MDGA2: variants seen among roughly 807,000 people sequenced by gnomAD.
MDGA2 encodes the protein MAM domain containing glycosylphosphatidylinositol anchor 2, also known as MAM domain-containing glycosylphosphatidylinositol anchor protein 2.
A neutral mutation model predicts 117.8 loss-of-function variants in MDGA2; 40 were observed. The observed-to-expected ratio is 0.34, with a 90% confidence interval of 0.26 to 0.44. The LOEUF is 0.44. Among genes scored for constraint, MDGA2 ranks in the 20% least tolerant of loss-of-function variants. MDGA2 has a pLI of 1.00. For synonymous variants in MDGA2, 452 were observed against 439.0 expected, an observed-to-expected ratio of 1.03 and a Z score of -0.37; for missense variants, 1,123 against 1,250.6, an observed-to-expected ratio of 0.90 and a Z score of 1.54.
intron 1 of MDGA2, among the ~76,000 whole-genome samples, chr14:47,587,013 AGCT>A (rs1390597153): frequency 6.6e-6 from 1 of 151,912 alleles, no homozygotes; most frequent in Non-Finnish European, 1.5e-5. Context: ...TTGGTCACGC[AGCT>A]GAATTTATGC....
intron 1 of MDGA2, among the ~76,000 whole-genome samples, chr14:47,319,907 T>C (rs900970737): frequency 6.6e-6 from 1 of 152,172 alleles, no homozygotes; most frequent in African/African-American, 2.4e-5. Flanking sequence ...TCAAGTTGAA[T>C]TGAAATCTTT....
intron 1 of MDGA2, chr14:47,305,194 C>T (rs976092635): frequency 6.6e-6 from 1 of 152,166 alleles, no homozygotes; most frequent in African/African-American, 2.4e-5. Context: ...AGTGCATTTG[C>T]TTACTTTAAA....
intron 1 of MDGA2, among the ~76,000 whole-genome samples, chr14:47,500,852 A>G (rs1894384762): frequency 1.3e-5 from 2 of 152,148 alleles, no homozygotes; most frequent in Admixed American, 1.3e-4. Context: ...GCTTTTTCTG[A>G]ATAATTTGGG....
chr14:47,595,552 AAAAAC>A (rs1896524694), intron 1 of MDGA2, among the ~76,000 whole-genome samples: 1 of 74,506 alleles, frequency 1.3e-5, no homozygotes, highest in Non-Finnish European at 2.5e-5. Context: ...AAAAACAAAA[AAAAAC>A]AAAAAAAAAA....
intron 8 of MDGA2, among the ~76,000 whole-genome samples, chr14:46,965,055 C>A: frequency 7.1e-6 from 1 of 140,078 alleles, no homozygotes; most frequent in South Asian, 2.2e-4. Context: ...TCCCGAGCAG[C>A]TGGGACTACA....
chr14:47,392,452 A>G (rs1891918017), intron 1 of MDGA2, among the ~76,000 whole-genome samples: 1 of 152,166 alleles, frequency 6.6e-6, no homozygotes, highest in Non-Finnish European at 1.5e-5. Context: ...ATACAGACTC[A>G]TGCAAGTAGG....
At chr14:46,985,486 G>A (rs1886827610) in intron 8 of MDGA2, among the ~76,000 whole-genome samples, 1 of 151,896 alleles carries the variant, frequency 6.6e-6, no homozygotes, top group Admixed American at 6.6e-5. Context: ...TCAATTTTTT[G>A]GAGAAGAGTA....
rs1173351840 is a variant in MDGA2, at chr14:47,208,950, A to G, written c.595+9071T>C. Among the ~76,000 whole-genome samples, 14 of 149,364 alleles carry G rather than the reference A, an allele frequency of 9.4e-5. 1 individual carries two copies. ...TTTATGAAAAACACTACAAGCTTTC[A>G]TTACAAATGTATTCCTGAGAATACG... On this transcript the variant is annotated intron_variant, in intron 3 of 16. Transcript: ENST00000399232.
chr14:47,433,436 G>T (rs2138531471), intron 1 of MDGA2, among the ~76,000 whole-genome samples: 1 of 152,106 alleles, frequency 6.6e-6, no homozygotes, highest in Admixed American at 6.6e-5. Context: ...GAAGACAAGA[G>T]AACTGAAATA....
At chr14:47,222,844 G>T (rs1439121635) in intron 2 of MDGA2, among the ~76,000 whole-genome samples, 1 of 152,064 alleles carries the variant, frequency 6.6e-6, no homozygotes, top group Non-Finnish European at 1.5e-5. Context: ...AAAATTAAAA[G>T]GAAAATTGCT....
intron 1 of MDGA2, among the ~76,000 whole-genome samples, chr14:47,491,922 A>G (rs1894177993): frequency 6.6e-6 from 1 of 152,142 alleles, no homozygotes; most frequent in South Asian, 2.1e-4. Flanking sequence ...GTTTTCATAC[A>G]TCCTGGTAAT....
chr14:47,567,098 G>A (rs56038200), intron 1 of MDGA2, among the ~76,000 whole-genome samples: 3 of 151,530 alleles, frequency 2.0e-5, no homozygotes, highest in Non-Finnish European at 4.4e-5. Flanking sequence ...TAGAGATGGG[G>A]TCTCACTATA....
intron 3 of MDGA2, chr14:47,200,529 C>CT (rs1566677695): frequency 1.9e-5 from 11 of 586,092 alleles, no homozygotes; most frequent in South Asian, 7.1e-5. Flanking sequence ...TTTTCTTTTT[C>CT]TTTTCTTTTT....
At chr14:47,048,596 G>A (rs192410988) in intron 7 of MDGA2, among the ~76,000 whole-genome samples, 2 of 152,088 alleles carry the variant, frequency 1.3e-5, no homozygotes, top group African/African-American at 4.8e-5. Context: ...CACTGAATAT[G>A]CCTTATCCTG....
At chr14:46,937,874 T>G (rs1884840471) in intron 9 of MDGA2, among the ~76,000 whole-genome samples, 1 of 151,968 alleles carries the variant, frequency 6.6e-6, no homozygotes. Flanking sequence ...GGGAAATGCT[T>G]CAGAACACTG....
chr14:47,187,563 C>T (rs1382703938), intron 3 of MDGA2, among the ~76,000 whole-genome samples: 1 of 152,046 alleles, frequency 6.6e-6, no homozygotes, highest in East Asian at 1.9e-4. Flanking sequence ...CTAGTTCATT[C>T]ATTTTCACTG....
chr14:47,493,104 C>T (rs182742412), intron 1 of MDGA2, among the ~76,000 whole-genome samples: 3 of 151,858 alleles, frequency 2.0e-5, no homozygotes, highest in African/African-American at 2.4e-5. Context: ...GGCTTCCTAA[C>T]ATTTGTTAAT....
At chr14:47,076,868 G>A (rs1406811588) in intron 6 of MDGA2, among the ~76,000 whole-genome samples, 1 of 151,936 alleles carries the variant, frequency 6.6e-6, no homozygotes, top group African/African-American at 2.4e-5. Context: ...TATTATTCAT[G>A]GAAACAAAAT....
chr14:46,948,196 T>A (rs1362476122), intron 9 of MDGA2, among the ~76,000 whole-genome samples: 1 of 152,084 alleles, frequency 6.6e-6, no homozygotes, highest in Non-Finnish European at 1.5e-5. Context: ...TATTTAAAAA[T>A]CTTATTTTCT....
Sources: allele counts gnomAD v4.1 joint callset (sites outside exome capture counted in the v4.1 genomes callset), GRCh38; gene constraint gnomAD v4.1.1; transcripts MANE v1.5; gene names NCBI Gene and HGNC (gene_info 2026-07-23, HGNC 2026-07-21).